Variants in SPIDR observed in about 807,000 individuals in gnomAD.
The protein encoded by SPIDR is DNA repair-scaffolding protein.
A neutral mutation model predicts 104.6 loss-of-function variants in SPIDR; 93 were observed. That is an observed-to-expected ratio of 0.89 (90% CI 0.75 to 1.06). SPIDR has a LOEUF of 1.06. SPIDR is among the 50% of genes least tolerant of loss of function. The pLI is 0.00. For missense variants in SPIDR, 1,154 were observed against 1,111.2 expected, an observed-to-expected ratio of 1.04 and a Z score of -0.55; for synonymous variants, 431 against 416.9, an observed-to-expected ratio of 1.03 and a Z score of -0.41.
chr8:47,521,700 G>A lies in SPIDR; in HGVS notation c.1098-74111G>A, dbSNP rs2084124319. Among the ~76,000 whole-genome samples, 4 of 151,632 alleles carry A rather than the reference G, an allele frequency of 2.6e-5. No homozygotes were observed. In the South Asian group the frequency reaches 8.4e-4, roughly 32 times the overall value. ...GCCTCCCAAAGTGCTGGGATTACAGGCGTGAGCCACCGCGCCTGGCCACTC... is the reference window on the plus strand; with the variant it reads ...GCCTCCCAAAGTGCTGGGATTACAGACGTGAGCCACCGCGCCTGGCCACTC... On this transcript the variant is annotated intron_variant, in intron 8 of 19. Transcript: ENST00000297423.
rs1220890278 is a variant in SPIDR, at chr8:47,353,086, C to CCAAATATGAT, written c.526-43289_526-43280dup. On this transcript the variant is annotated intron_variant, in intron 5 of 19. Transcript: ENST00000297423. ...AAAAAAAAAAAAAAAGTTATTCTTT[C>CCAAATATGAT]CAAATATGATACAATTTTGTTCAAC... 2.4e-4 allele frequency among the ~76,000 whole-genome samples: 36 copies of CCAAATATGAT among 147,976 alleles called. No individual in the cohort carries two copies. The East Asian group carries it at 6.4e-3, about 26-fold the overall frequency.
intron 7 of SPIDR, among the ~76,000 whole-genome samples, chr8:47,418,713 G>A (rs1234015602): frequency 6.6e-6 from 1 of 152,148 alleles, no homozygotes; most frequent in Non-Finnish European, 1.5e-5. Flanking sequence ...CAAAGGGAAT[G>A]CTTCCAGTTT....
chr8:47,327,846 A>G (rs781827854), intron 5 of SPIDR, among the ~76,000 whole-genome samples: 2 of 152,032 alleles, frequency 1.3e-5, no homozygotes, highest in African/African-American at 2.4e-5. Flanking sequence ...TATAGGCATA[A>G]GCCACTACAC....
chr8:47,384,459 G>A (rs544608376), intron 5 of SPIDR, among the ~76,000 whole-genome samples: 8 of 152,236 alleles, frequency 5.3e-5, no homozygotes, highest in Admixed American at 2.0e-4. Context: ...GTACTTCAGC[G>A]TAATTTGTAT....
rs187785469 is a variant in SPIDR, at chr8:47,696,791, A to G, written c.1686-3612A>G. Among the ~76,000 whole-genome samples, 264 of 152,360 alleles carry G rather than the reference A, an allele frequency of 1.7e-3. 1 individual carries two copies. The highest frequency in any genetic ancestry group is 2.7e-3 in the Non-Finnish European group (184 of 68,038). ...ATAGCAGCAGCACTAGGAATTAGAGAATCACAGAATCCTACAAGGGAGGAA... is the reference window on the plus strand; with the variant it reads ...ATAGCAGCAGCACTAGGAATTAGAGGATCACAGAATCCTACAAGGGAGGAA... On this transcript the variant is annotated intron_variant, in intron 11 of 19. Coordinates refer to ENST00000297423, the MANE Select transcript of SPIDR (RefSeq NM_001080394.4).
intron 8 of SPIDR, among the ~76,000 whole-genome samples, chr8:47,538,987 A>G (rs944715531): frequency 2.0e-5 from 3 of 150,538 alleles, no homozygotes; most frequent in Admixed American, 1.3e-4. Flanking sequence ...CAGCCTCCCA[A>G]GTAGCTGGGA....
At chr8:47,635,858 A>G (rs894984683) in intron 10 of SPIDR, among the ~76,000 whole-genome samples, 5 of 152,230 alleles carry the variant, frequency 3.3e-5, no homozygotes, top group Admixed American at 6.5e-5. Context: ...TTGGGCAGAC[A>G]TACATGTTGG....
intron 11 of SPIDR, among the ~76,000 whole-genome samples, chr8:47,693,537 C>T (rs1431192380): frequency 3.3e-5 from 5 of 152,246 alleles, no homozygotes; most frequent in Admixed American, 6.5e-5. Context: ...ATGCCAGATC[C>T]ATGGCCTCGT....
chr8:47,268,416 A>G (rs2034540683), intron 1 of SPIDR, among the ~76,000 whole-genome samples: 1 of 152,170 alleles, frequency 6.6e-6, no homozygotes, highest in African/African-American at 2.4e-5. Flanking sequence ...ATTGGAGAGT[A>G]TTATCATCTT....
At chr8:47,333,555 G>C (rs2049149929) in intron 5 of SPIDR, among the ~76,000 whole-genome samples, 1 of 152,054 alleles carries the variant, frequency 6.6e-6, no homozygotes, top group Non-Finnish European at 1.5e-5. Context: ...CCCCACCTCA[G>C]CCTCCCAAAG....
At chr8:47,346,743 T>C (rs1326415253) in intron 5 of SPIDR, among the ~76,000 whole-genome samples, 1 of 152,228 alleles carries the variant, frequency 6.6e-6, no homozygotes, top group Non-Finnish European at 1.5e-5. Flanking sequence ...CTAGTTTATT[T>C]GCGTAGAGGT....
chr8:47,309,743 A>C (rs1257944766), intron 5 of SPIDR, among the ~76,000 whole-genome samples: 1 of 152,226 alleles, frequency 6.6e-6, no homozygotes, highest in African/African-American at 2.4e-5. Context: ...TGTAATGTTA[A>C]AAAGTAGTAA....
At chr8:47,428,869 G>A (rs1450077994) in intron 7 of SPIDR, among the ~76,000 whole-genome samples, 3 of 152,158 alleles carry the variant, frequency 2.0e-5, no homozygotes, top group African/African-American at 7.2e-5. Context: ...CTGGGGTCAG[G>A]GGAGCTGACT....
At chr8:47,466,846 C>T (rs1227002475) in intron 8 of SPIDR, among the ~76,000 whole-genome samples, 4 of 127,780 alleles carry the variant, frequency 3.1e-5, no homozygotes, top group Non-Finnish European at 6.5e-5. Context: ...GTAATCAAGA[C>T]ATGAAAAACC....
At chr8:47,314,244 G>A (rs587595016) in intron 5 of SPIDR, among the ~76,000 whole-genome samples, 1 of 151,548 alleles carries the variant, frequency 6.6e-6, no homozygotes, top group South Asian at 2.1e-4. Context: ...AACAAACACT[G>A]GAAAAGAAAA....
intron 10 of SPIDR, among the ~76,000 whole-genome samples, chr8:47,663,583 A>G (rs941081282): frequency 2.0e-5 from 3 of 152,240 alleles, no homozygotes; most frequent in African/African-American, 7.2e-5. Context: ...GCAGCCCTTC[A>G]TGCCTCACTG....
intron 8 of SPIDR, among the ~76,000 whole-genome samples, chr8:47,500,650 A>T (rs2080252695): frequency 1.3e-5 from 2 of 151,914 alleles, no homozygotes; most frequent in East Asian, 3.9e-4. Flanking sequence ...AGTTTAATTG[A>T]ATCCCATTTG....
chr8:47,424,652 GT>G (rs2066131329), intron 7 of SPIDR, among the ~76,000 whole-genome samples: 1 of 151,934 alleles, frequency 6.6e-6, no homozygotes, highest in Admixed American at 6.6e-5. Flanking sequence ...AACCTTCTTT[GT>G]TATACAGGAA....
At chr8:47,501,203 G>A (rs1241779503) in intron 8 of SPIDR, among the ~76,000 whole-genome samples, 1 of 152,168 alleles carries the variant, frequency 6.6e-6, no homozygotes, top group Non-Finnish European at 1.5e-5. Flanking sequence ...GCTTGATGGG[G>A]ATGGCATTGA....
Sources: allele counts gnomAD v4.1 joint callset (sites outside exome capture counted in the v4.1 genomes callset), GRCh38; gene constraint gnomAD v4.1.1; transcripts MANE v1.5; gene names NCBI Gene and HGNC (gene_info 2026-07-23, HGNC 2026-07-21).